ATF2: variants seen among roughly 807,000 people sequenced by gnomAD.
ATF2 encodes the protein cyclic AMP-dependent transcription factor ATF-2.
Under a neutral mutation model 60.6 loss-of-function variants are expected in ATF2, and 24 were observed. The ratio of observed to expected loss-of-function variants is 0.40; its 90% CI spans 0.29 to 0.56. The LOEUF (loss-of-function observed/expected upper bound fraction) is 0.56. Ranked by LOEUF, ATF2 falls within the 20% of genes least tolerant of loss-of-function variation. The probability of loss-of-function intolerance (pLI) is 0.54; values close to 1 mark genes in which losing one functional copy is unlikely to be tolerated. For missense variants in ATF2, 433 were observed against 607.7 expected (o/e 0.71, Z 3.02); for synonymous variants, 206 against 215.4 (o/e 0.96, Z 0.38).
chr2:175,119,311 G>T (rs1696791728), intron 5 of ATF2, among the ~76,000 whole-genome samples: 1 of 151,530 alleles, frequency 6.6e-6, no homozygotes, highest in South Asian at 2.1e-4. Context: ...ACAGGCTATA[G>T]CAGGGATCTA....
In ATF2 at chr2:175,118,172, A is replaced by C; in HGVS notation, c.319-54T>G. 2 of 1,596,178 alleles carry C rather than the reference A, an allele frequency of 1.3e-6. No individual in the cohort carries two copies. The highest frequency in any genetic ancestry group is 1.7e-6 in the Non-Finnish European group (2 of 1,171,896). ...ATAAGTTCAAAAACAGTGTGTCTAA[A>C]TTTAAAAAGCAGGAAGTATAAACTA... On this transcript the variant is annotated intron_variant, in intron 6 of 13. Coordinates refer to ENST00000264110, the MANE Select transcript of ATF2 (RefSeq NM_001880.4).
chr2:175,111,619 T>C lies in ATF2; in HGVS notation c.777A>G (p.Pro259=). The stretch of plus-strand genomic sequence containing the variant: ...GGGGAGAGGAAGGACCTGGGATTCC[T>C]GGAACACTAGGCACCATGGTGACTG... The part of the protein sequence containing the change: ...VRPVTMVPSV[P]GIPGPSSPQP... The change falls in exon 10 of 14, where the codon CCA becomes CCG. Residue 259 remains proline, a synonymous_variant. Coordinates refer to ENST00000264110, the MANE Select transcript of ATF2 (RefSeq NM_001880.4). 6.2e-7 allele frequency: 1 copy of C among 1,613,902 alleles called. No homozygotes were observed.
chr2:175,077,705 A>C (rs1312645601), intron 13 of ATF2, among the ~76,000 whole-genome samples: 1 of 152,216 alleles, frequency 6.6e-6, no homozygotes, highest in Non-Finnish European at 1.5e-5. Flanking sequence ...GGTAAAGCAA[A>C]TCTTTAAGCA....
intron 3 of ATF2, among the ~76,000 whole-genome samples, chr2:175,131,343 G>T (rs940862031): frequency 1.3e-5 from 2 of 152,142 alleles, no homozygotes; most frequent in African/African-American, 4.8e-5. Flanking sequence ...TAAACAAACG[G>T]AAAATCATCA....
At chr2:175,129,038 A>C (rs754757092) in intron 4 of ATF2, among the ~76,000 whole-genome samples, 4 of 152,164 alleles carry the variant, frequency 2.6e-5, no homozygotes, top group Non-Finnish European at 5.9e-5. Flanking sequence ...CCATAAAAAG[A>C]CTTGTACACA....
At chr2:175,075,933 A>G (rs1453941578) in intron 13 of ATF2, among the ~76,000 whole-genome samples, 2 of 152,222 alleles carry the variant, frequency 1.3e-5, no homozygotes, top group African/African-American at 4.8e-5. Context: ...ACTTGGCATT[A>G]AAACTTTTTT....
intron 2 of ATF2, among the ~76,000 whole-genome samples, chr2:175,140,133 A>G (rs1435666936): frequency 2.0e-5 from 3 of 152,236 alleles, no homozygotes; most frequent in African/African-American, 4.8e-5. Context: ...ACAGATACAC[A>G]TAAGAAAAAG....
At chr2:175,116,965 A>G (rs1696617618) in intron 7 of ATF2, among the ~76,000 whole-genome samples, 1 of 152,094 alleles carries the variant, frequency 6.6e-6, no homozygotes, top group East Asian at 1.9e-4. Context: ...GGAACTCTCT[A>G]ATGACATGGG....
At chr2:175,133,261 A>C (rs1316628320) in intron 3 of ATF2, among the ~76,000 whole-genome samples, 19 of 152,184 alleles carry the variant, frequency 1.2e-4, no homozygotes, top group Non-Finnish European at 8.8e-5. Context: ...TTATAAAATT[A>C]CAATAATTAA....
intron 12 of ATF2, among the ~76,000 whole-genome samples, chr2:175,089,301 C>A (rs1694381386): frequency 6.6e-6 from 1 of 152,012 alleles, no homozygotes; most frequent in Non-Finnish European, 1.5e-5. Context: ...AAAACTAAAA[C>A]ATGATTAAAT....
rs1207182657 is a variant in ATF2, at chr2:175,073,333, T to C, written c.*1276A>G. 1 of 152,108 alleles carries C rather than the reference T, an allele frequency of 6.6e-6. No individual in the cohort carries two copies. Among genetic ancestry groups the C allele is most frequent in the Non-Finnish European group, 1.5e-5 (1 of 68,026 alleles). 9.4% of individuals were successfully genotyped at this position (152,108 alleles called of 1,614,324 possible). A position where few individuals can be genotyped will look rare whatever the true frequency, so the allele number is the denominator to read the frequency against. ...ATCTCATCAGAAACAAGCTACATCA[T>C]GGAATGTTAGTTATCCAAGCCTGCA... On this transcript the variant is annotated 3_prime_UTR_variant, in exon 14 of 14. Coordinates refer to ENST00000264110, the MANE Select transcript of ATF2 (RefSeq NM_001880.4).
intron 1 of ATF2, among the ~76,000 whole-genome samples, chr2:175,167,397 T>C (rs1455315237): frequency 6.7e-6 from 1 of 150,048 alleles, no homozygotes. Context: ...GGGAAAAAGC[T>C]GGGGGTAGCG....
intron 2 of ATF2, among the ~76,000 whole-genome samples, chr2:175,140,607 T>C (rs1698435031): frequency 1.3e-5 from 2 of 152,102 alleles, no homozygotes; most frequent in African/African-American, 4.8e-5. Context: ...CGTATCAAGC[T>C]GTATACTTTG....
chr2:175,082,828 G>C lies in ATF2; in HGVS notation c.1186-2063C>G, dbSNP rs182074644. Among the ~76,000 whole-genome samples, 90 of 152,142 alleles carry C rather than the reference G, an allele frequency of 5.9e-4. 1 individual carries two copies. In the South Asian group the frequency reaches 0.011, roughly 18 times the overall value. ...CCGTTGTCTTTATCCCCTCTTCTTT[G>C]TCTTGCTAAATATTTTATTTAAGTG... On this transcript the variant is annotated intron_variant, in intron 12 of 13. Coordinates refer to ENST00000264110, the MANE Select transcript of ATF2 (RefSeq NM_001880.4).
intron 1 of ATF2, among the ~76,000 whole-genome samples, chr2:175,152,720 A>G (rs1483142385): frequency 6.6e-6 from 1 of 152,258 alleles, no homozygotes; most frequent in African/African-American, 2.4e-5. Flanking sequence ...CAGAAACTAA[A>G]AACTCATTTC....
intron 1 of ATF2, among the ~76,000 whole-genome samples, chr2:175,159,262 T>C (rs1197231310): frequency 6.6e-6 from 1 of 151,476 alleles, no homozygotes; most frequent in African/African-American, 2.4e-5. Context: ...GAGGGTTCAG[T>C]GAGCTGAGAA....
At chr2:175,090,346 G>A (rs1694461012) in intron 12 of ATF2, among the ~76,000 whole-genome samples, 1 of 152,000 alleles carries the variant, frequency 6.6e-6, no homozygotes, top group Non-Finnish European at 1.5e-5. Flanking sequence ...CCTTTTTATG[G>A]TGGAATAATA....
chr2:175,158,057 C>T (rs1317835231), intron 1 of ATF2, among the ~76,000 whole-genome samples: 2 of 151,662 alleles, frequency 1.3e-5, no homozygotes, highest in Admixed American at 6.6e-5. Context: ...AAGCAGGATA[C>T]GAACACTCAG....
At chr2:175,122,481 C>A (rs1697030420) in intron 4 of ATF2, among the ~76,000 whole-genome samples, 1 of 152,018 alleles carries the variant, frequency 6.6e-6, no homozygotes. Flanking sequence ...TTTGCCCAAA[C>A]CATCAAAATG....
Sources: gnomAD v4.1 joint callset for allele counts (sites outside exome capture counted in the v4.1 genomes callset) on GRCh38, gnomAD v4.1.1 for gene constraint, MANE v1.5 for transcripts, NCBI Gene and HGNC (gene_info 2026-07-23, HGNC 2026-07-21) for gene names.